Variants in PALB2 observed in about 807,000 individuals in gnomAD.
The protein encoded by PALB2 is partner and localizer of BRCA2, also known as mutant partner and localizer of BRCA2.
A neutral mutation model predicts 107.4 loss-of-function variants in PALB2; 82 were observed. That is an observed-to-expected ratio of 0.76 (90% CI 0.64 to 0.92). PALB2 has a LOEUF of 0.92. PALB2 is among the 40% of genes least tolerant of loss of function. PALB2 has a pLI of 0.00. For synonymous variants in PALB2, 489 were observed against 496.8 expected (o/e 0.98, Z 0.21); for missense variants, 1,374 against 1,379.9 (o/e 1.00, Z 0.07).
At chr16:23,629,306 A>G (rs781642823) in intron 5 of PALB2, 31 bp from the exon 6 acceptor site, 18 of 1,570,214 alleles carry the variant, frequency 1.1e-5, no homozygotes, top group Non-Finnish European at 1.4e-5. Context: ...TCATTAGTCT[A>G]CACTTTATGT....
At chr16:23,607,271 C>A (rs1300427544) in intron 12 of PALB2, 1 of 148,634 alleles carries the variant, frequency 6.7e-6, no homozygotes, top group East Asian at 2.0e-4. Context: ...ACAGAACGTT[C>A]ATTACTCTTT....
rs148068381 is a variant in PALB2 at position 23,610,947 on chromosome 16, C to A, written c.3202-2935G>T. Among the ~76,000 whole-genome samples the A allele has an allele frequency of 4.7e-3, 710 of 151,902 alleles. 5 individuals carry two copies. Among genetic ancestry groups the A allele is most frequent in the Non-Finnish European group, 6.4e-3 (436 of 67,966 alleles). ...CCCAGCTACTTGGGAGGCTGAGGCA[C>A]AGAATTGCTTGAACCTGGCAGGCGG... On this transcript the variant is annotated intron_variant, in intron 11 of 12. Coordinates refer to ENST00000261584, the MANE Select transcript of PALB2 (RefSeq NM_024675.4).
At position 23,603,223 on chromosome 16, in the gene PALB2, T is replaced by G. The variant is rs1452580934; in HGVS notation, c.*236A>C. 2.0e-6 allele frequency: 1 copy of G among 494,578 alleles called. No individual in the cohort carries two copies. Among genetic ancestry groups the G allele is most frequent in the East Asian group, 3.5e-5 (1 of 28,980 alleles). 30.6% of individuals were successfully genotyped at this position (494,578 alleles called of 1,614,324 possible). On this transcript the variant is annotated 3_prime_UTR_variant, in exon 13 of 13. Coordinates refer to ENST00000261584, the MANE Select transcript of PALB2 (RefSeq NM_024675.4). Reference sequence around the variant, plus strand: ...CTTTATGTACACCTTTAAAAGCACATGTACAAATGTGGGAAATTACAAAAA... The same window carrying G: ...CTTTATGTACACCTTTAAAAGCACAGGTACAAATGTGGGAAATTACAAAAA...
intron 4 of PALB2, among the ~76,000 whole-genome samples, chr16:23,633,066 C>G (rs1966899851): frequency 6.6e-6 from 1 of 152,118 alleles, no homozygotes; most frequent in Non-Finnish European, 1.5e-5. Flanking sequence ...TGCACCCTAT[C>G]CGGGGCGACA....
intron 12 of PALB2, 102 bp from the exon 13 acceptor site, chr16:23,603,771 C>G: frequency 4.8e-6 from 5 of 1,038,438 alleles, no homozygotes; most frequent in Non-Finnish European, 7.1e-6. Context: ...GCAACAGGAA[C>G]AAAAATCCCT....
intron 1 of PALB2, 189 bp downstream of exon 1, chr16:23,640,921 C>A: frequency 1.5e-6 from 1 of 649,606 alleles, no homozygotes; most frequent in Non-Finnish European, 2.7e-6. Context: ...GAAATTTGTT[C>A]TTTAAACGCC....
At chr16:23,624,889 G>A (rs913912921) in intron 7 of PALB2, among the ~76,000 whole-genome samples, 1 of 152,172 alleles carries the variant, frequency 6.6e-6, no homozygotes, top group Admixed American at 6.5e-5. Flanking sequence ...CTTGTAAGAT[G>A]TATATGATGG....
chr16:23,615,381 C>T (rs1431560449), intron 10 of PALB2, among the ~76,000 whole-genome samples: 1 of 152,084 alleles, frequency 6.6e-6, no homozygotes, highest in Admixed American at 6.6e-5. Flanking sequence ...CATGACTCAC[C>T]GTAGCCTTGA....
chr16:23,635,555 C>G lies in PALB2; in HGVS notation c.991G>C (p.Glu331Gln), dbSNP rs878855126. 3 of 1,612,940 alleles carry G rather than the reference C, an allele frequency of 1.9e-6. No homozygotes were observed. Among genetic ancestry groups the G allele is most frequent in the Non-Finnish European group, 2.5e-6 (3 of 1,179,430 alleles). The change falls in exon 4 of 13, where the codon GAA becomes CAA. Residue 331 changes from glutamate to glutamine, a missense_variant. Coordinates refer to ENST00000261584, the MANE Select transcript of PALB2 (RefSeq NM_024675.4). ...LEANISCSLN[E>Q]LTYNNLPANE... is the part of the protein sequence containing the mutation. The stretch of plus-strand genomic sequence containing the variant: ...GCTGGTAAGTTATTGTAGGTGAGTT[C>G]ATTTAGAGAACATGAAATATTTGCC...
intron 9 of PALB2, among the ~76,000 whole-genome samples, chr16:23,622,294 A>G (rs1966786529): frequency 6.6e-6 from 1 of 152,226 alleles, no homozygotes; most frequent in Admixed American, 6.5e-5. Flanking sequence ...GCAAGTAGTC[A>G]GCACCAAGAT....
At chr16:23,628,420 C>G (rs1289338008) in intron 6 of PALB2, among the ~76,000 whole-genome samples, 1 of 152,156 alleles carries the variant, frequency 6.6e-6, no homozygotes, top group Non-Finnish European at 1.5e-5. Context: ...ACCAGTGATT[C>G]TCTGGGAGAG....
intron 3 of PALB2, among the ~76,000 whole-genome samples, chr16:23,637,119 G>C (rs1967082021): frequency 6.6e-6 from 1 of 151,826 alleles, no homozygotes; most frequent in African/African-American, 2.4e-5. Flanking sequence ...GTGGCGGTGT[G>C]CGCCTGTAGT....
intron 4 of PALB2, among the ~76,000 whole-genome samples, chr16:23,634,197 T>A (rs1300581533): frequency 6.6e-6 from 1 of 152,248 alleles, no homozygotes; most frequent in Non-Finnish European, 1.5e-5. Flanking sequence ...ACCGCCAGGT[T>A]TGAATCCTGG....
chr16:23,615,365 C>A (rs977049055), intron 10 of PALB2, among the ~76,000 whole-genome samples: 1 of 152,080 alleles, frequency 6.6e-6, no homozygotes, highest in African/African-American at 2.4e-5. Flanking sequence ...AGTGTGGTGG[C>A]GTGATCATGA....
intron 5 of PALB2, 40 bp downstream of exon 5, chr16:23,629,600 A>G (rs765438359): frequency 6.3e-7 from 1 of 1,588,118 alleles, no homozygotes; most frequent in East Asian, 2.2e-5. Context: ...AAGGCATTTC[A>G]TTCCTTCAGA....
intron 11 of PALB2, among the ~76,000 whole-genome samples, chr16:23,612,261 C>T (rs1244033688): frequency 1.3e-5 from 2 of 152,110 alleles, no homozygotes; most frequent in African/African-American, 2.4e-5. Context: ...CTTGCTCTGT[C>T]ACCCAGGGTG....
At chr16:23,622,866 C>T in intron 9 of PALB2, 103 bp downstream of exon 9, 2 of 1,320,234 alleles carry the variant, frequency 1.5e-6, no homozygotes, top group South Asian at 1.2e-5. Flanking sequence ...ATATTACACC[C>T]CCAGCACAGA....
At chr16:23,639,035 A>C (rs1380077130) in intron 1 of PALB2, among the ~76,000 whole-genome samples, 1 of 152,204 alleles carries the variant, frequency 6.6e-6, no homozygotes, top group African/African-American at 2.4e-5. Context: ...TAAATAAATA[A>C]ATGAATTGGG....
chr16:23,612,439 G>T (rs567225282), intron 11 of PALB2, among the ~76,000 whole-genome samples: 1 of 151,272 alleles, frequency 6.6e-6, no homozygotes, highest in East Asian at 1.9e-4. Context: ...GGCTGGTCTC[G>T]AACTACTGAC....
Sources: gnomAD v4.1 joint callset for allele counts (sites outside exome capture counted in the v4.1 genomes callset) on GRCh38, gnomAD v4.1.1 for gene constraint, MANE v1.5 for transcripts, NCBI Gene and HGNC (gene_info 2026-07-23, HGNC 2026-07-21) for gene names.